GRIN2B: variants seen among roughly 807,000 people sequenced by gnomAD.
GRIN2B encodes glutamate receptor ionotropic, NMDA 2B.
A neutral mutation model predicts 114.5 loss-of-function variants in GRIN2B; 5 were observed. The ratio of observed to expected loss-of-function variants is 0.04; its 90% CI spans 0.02 to 0.09. GRIN2B has a LOEUF of 0.09. GRIN2B is among the 10% of genes least tolerant of loss of function. The pLI, the probability that GRIN2B is intolerant of heterozygous loss-of-function variation, is 1.00. For missense variants in GRIN2B, 1,108 were observed against 1,943.5 expected (o/e 0.57, Z 8.08); for synonymous variants, 787 against 745.1 (o/e 1.06, Z -0.92).
intron 2 of GRIN2B, among the ~76,000 whole-genome samples, chr12:13,881,463 C>A (rs368060070): frequency 6.6e-6 from 1 of 152,120 alleles, no homozygotes; most frequent in Admixed American, 6.5e-5. Context: ...CCCCTGTCCC[C>A]CAACTGAGTC....
intron 11 of GRIN2B, among the ~76,000 whole-genome samples, chr12:13,570,457 A>G (rs1387208548): frequency 4.6e-5 from 7 of 152,150 alleles, no homozygotes; most frequent in Non-Finnish European, 1.0e-4. Context: ...GTTTCAATAG[A>G]TGTGCAATGC....
In GRIN2B at chr12:13,870,787, C is replaced by A. The variant is rs182976743; in HGVS notation, c.-18-4561G>T. Among the ~76,000 whole-genome samples, 681 of 152,204 alleles carry A rather than the reference C, an allele frequency of 4.5e-3. 2 individuals carry two copies. Among genetic ancestry groups the A allele is most frequent in the South Asian group, 0.012 (59 of 4,822 alleles). On this transcript the variant is annotated intron_variant, in intron 2 of 13. Transcript: ENST00000609686. ...TATGTATCAGGTCCAGTTTTCCAAG[C>A]TACCAATAAAGACAGAAAGTTAAGA...
chr12:13,782,261 A>G (rs1230316511), intron 3 of GRIN2B, among the ~76,000 whole-genome samples: 1 of 152,102 alleles, frequency 6.6e-6, no homozygotes, highest in Non-Finnish European at 1.5e-5. Context: ...AGGGGAAAGG[A>G]AAAAAGGTGG....
chr12:13,774,589 A>G (rs1365255894), intron 3 of GRIN2B, among the ~76,000 whole-genome samples: 1 of 152,238 alleles, frequency 6.6e-6, no homozygotes, highest in Non-Finnish European at 1.5e-5. Flanking sequence ...AAGTGTACAA[A>G]GCAAGAGTAA....
chr12:13,940,557 G>A lies in GRIN2B; in HGVS notation c.-19+39371C>T, dbSNP rs983650924. Among the ~76,000 whole-genome samples the A allele has an allele frequency of 6.6e-5, 10 of 152,096 alleles. No individual in the cohort carries two copies. In the East Asian group the frequency reaches 1.2e-3, roughly 18 times the overall value. ...AGGGTAATACAAGGGGTGTAACTAG[G>A]AGATAATGGGGTGAAATTGAGCAAA... On this transcript the variant is annotated intron_variant, in intron 2 of 13. Transcript: ENST00000609686.
chr12:13,915,159 A>C (rs1178987327), intron 2 of GRIN2B, among the ~76,000 whole-genome samples: 3 of 152,200 alleles, frequency 2.0e-5, no homozygotes, highest in African/African-American at 7.2e-5. Flanking sequence ...AAAATATCAC[A>C]TATACCCCCA....
intron 2 of GRIN2B, among the ~76,000 whole-genome samples, chr12:13,951,589 A>G (rs1335347546): frequency 6.6e-6 from 1 of 152,290 alleles, no homozygotes; most frequent in Non-Finnish European, 1.5e-5. Flanking sequence ...GTATAATTGC[A>G]CCCATTTGTC....
intron 3 of GRIN2B, among the ~76,000 whole-genome samples, 164 bp from the exon 4 acceptor site, chr12:13,754,079 A>G (rs750497439): frequency 6.6e-6 from 1 of 152,200 alleles, no homozygotes; most frequent in African/African-American, 2.4e-5. Context: ...AAATATTTAA[A>G]TTGCAGATAT....
intron 5 of GRIN2B, among the ~76,000 whole-genome samples, chr12:13,661,080 T>A (rs1949918190): frequency 6.6e-6 from 1 of 152,204 alleles, no homozygotes; most frequent in Admixed American, 6.5e-5. Flanking sequence ...TATTCACATG[T>A]TTCATTTACC....
Position 13,829,992 on chromosome 12 carries a change from G to A in GRIN2B, c.411+35806C>T, listed in dbSNP as rs183898422. On this transcript the variant is annotated intron_variant, in intron 3 of 13. Transcript: ENST00000609686. ...AGGAGGGGCTGGGAGGATGGAACAA[G>A]AGTCTGTGTGGCAGTTCTAATCCAC... Among the ~76,000 whole-genome samples the A allele has an allele frequency of 5.1e-4, 78 of 152,302 alleles. 1 individual carries two copies. In the Middle Eastern group the frequency reaches 0.027, roughly 53 times the overall value.
rs775066767 is a variant in GRIN2B at position 13,675,738 on chromosome 12, G to C, written c.1125+7C>G. On this transcript the variant is annotated splice_region_variant and intron_variant, in intron 5 of 13. Coordinates refer to ENST00000609686, the MANE Select transcript of GRIN2B (RefSeq NM_000834.5). ...TTTGCTCAAGAATTGTCAAAGACAT[G>C]TCTTACCCTTTCCCACTTCCTCTCC... 1.3e-6 allele frequency: 2 copies of C among 1,520,714 alleles called. No individual in the cohort carries two copies. The highest frequency in any genetic ancestry group is 2.2e-5 in the South Asian group (2 of 89,214). 94.2% of individuals were successfully genotyped at this position (1,520,714 alleles called of 1,614,324 possible).
intron 3 of GRIN2B, among the ~76,000 whole-genome samples, chr12:13,809,111 G>A (rs1864677876): frequency 6.6e-6 from 1 of 152,086 alleles, no homozygotes; most frequent in African/African-American, 2.4e-5. Context: ...CAGCATCCCT[G>A]GCCTCCACCC....
At chr12:13,886,702 A>C (rs938821932) in intron 2 of GRIN2B, among the ~76,000 whole-genome samples, 54 of 152,148 alleles carry the variant, frequency 3.5e-4, no homozygotes, top group Non-Finnish European at 5.9e-4. Context: ...CACCCTCCCC[A>C]GTTCCTCTTG....
chr12:13,788,842 T>C (rs1864263399), intron 3 of GRIN2B, among the ~76,000 whole-genome samples: 2 of 152,148 alleles, frequency 1.3e-5, no homozygotes, highest in South Asian at 4.1e-4. Flanking sequence ...CCACTTCCCT[T>C]TTTCTCCAAG....
chr12:13,556,779 A>C lies in GRIN2B; in HGVS notation c.*6004T>G, dbSNP rs1425749587. ...CCTTCAGTTCTTTCAGGAGCCCTTA[A>C]CCACATAATCACCCCAGCAATTATA... On this transcript the variant is annotated 3_prime_UTR_variant, in exon 14 of 14. Transcript: ENST00000609686. The C allele has an allele frequency of 6.6e-6, 1 of 152,138 alleles. No homozygotes were observed. Among genetic ancestry groups the C allele is most frequent in the Admixed American group, 6.6e-5 (1 of 15,264 alleles). 9.4% of individuals were successfully genotyped at this position (152,138 alleles called of 1,614,324 possible).
intron 10 of GRIN2B, among the ~76,000 whole-genome samples, chr12:13,606,120 C>T (rs1418319952): frequency 6.6e-6 from 1 of 152,192 alleles, no homozygotes; most frequent in Admixed American, 6.5e-5. Context: ...ACACATGGGG[C>T]ATGGCCCATC....
chr12:13,825,496 T>TTGTGTGTG (rs55893904), intron 3 of GRIN2B, among the ~76,000 whole-genome samples: 15,680 of 122,742 alleles, frequency 0.13, 1,611 homozygotes, highest in East Asian at 0.39. Context: ...TATATATATT[T>TTGTGTGTG]TGTGTGTGTG....
At chr12:13,789,045 C>A (rs928673365) in intron 3 of GRIN2B, among the ~76,000 whole-genome samples, 3 of 150,986 alleles carry the variant, frequency 2.0e-5, no homozygotes, top group Non-Finnish European at 3.0e-5. Flanking sequence ...GAGCTTCTTG[C>A]CAAAGGCTTC....
intron 3 of GRIN2B, among the ~76,000 whole-genome samples, chr12:13,756,544 T>C (rs1863579824): frequency 6.6e-6 from 1 of 152,192 alleles, no homozygotes; most frequent in Non-Finnish European, 1.5e-5. Context: ...AACTGGGGGA[T>C]TCCGAAATGA....
Sources: allele counts gnomAD v4.1 joint callset (sites outside exome capture counted in the v4.1 genomes callset), GRCh38; gene constraint gnomAD v4.1.1; transcripts MANE v1.5; gene names NCBI Gene and HGNC (gene_info 2026-07-23, HGNC 2026-07-21).